PHACTR4: variants seen among roughly 807,000 people sequenced by gnomAD.
The protein encoded by PHACTR4 is phosphatase and actin regulator 4.
In PHACTR4, 51 loss-of-function variants were observed where a neutral mutation model predicts 72.7. The observed-to-expected ratio is 0.70, with a 90% CI of 0.56 to 0.89. The LOEUF is 0.89. Among genes scored for constraint, PHACTR4 ranks in the 40% least tolerant of loss-of-function variants. The pLI, the probability that PHACTR4 is intolerant of heterozygous loss-of-function variation, is 0.00. For missense variants in PHACTR4, 731 were observed against 861.8 expected, an observed-to-expected ratio of 0.85 and a Z score of 1.90; for synonymous variants, 255 against 302.5, an observed-to-expected ratio of 0.84 and a Z score of 1.63.
chr1:28,371,382 C>T (rs943222358), intron 1 of PHACTR4, among the ~76,000 whole-genome samples: 1 of 152,178 alleles, frequency 6.6e-6, no homozygotes, highest in Non-Finnish European at 1.5e-5. Flanking sequence ...GCAACCTCCA[C>T]TTCCCAGGTT....
At chr1:28,438,521 G>A (rs1380167460) in intron 2 of PHACTR4, 42 of 1,381,670 alleles carry the variant, frequency 3.0e-5, no homozygotes, top group Non-Finnish European at 3.8e-5. Flanking sequence ...AGTTAAACAC[G>A]AGAATGTTGA....
chr1:28,381,914 T>C (rs1289008561), intron 1 of PHACTR4, among the ~76,000 whole-genome samples: 6 of 151,906 alleles, frequency 3.9e-5, no homozygotes, highest in African/African-American at 9.7e-5. Context: ...CTGGGATGAC[T>C]ACACCACCAC....
chr1:28,392,668 C>G (rs973920201), intron 1 of PHACTR4, among the ~76,000 whole-genome samples: 3 of 151,934 alleles, frequency 2.0e-5, no homozygotes, highest in African/African-American at 7.3e-5. Context: ...GCTGGGATTA[C>G]AGGTGTGAGC....
chr1:28,440,855 T>G (rs2124409308), intron 2 of PHACTR4, among the ~76,000 whole-genome samples: 1 of 152,284 alleles, frequency 6.6e-6, no homozygotes, highest in East Asian at 1.9e-4. Flanking sequence ...TTCAAAGCCT[T>G]TATGTGGGTA....
In PHACTR4 at chr1:28,483,753, CG is replaced by C. The variant is rs561310225; in HGVS notation, c.1760+3150del. On this transcript the variant is annotated intron_variant, in intron 9 of 13. Coordinates refer to ENST00000373839, the MANE Select transcript of PHACTR4 (RefSeq NM_001048183.3). The stretch of plus-strand genomic sequence containing the variant: ...GGTGGAGCTTGCAGTGAGCTGACAT[CG>C]TGCCACTGCACTCCAGCCTGGGTGA... 3.7e-4 allele frequency among the ~76,000 whole-genome samples: 51 copies of C among 136,924 alleles called. No individual in the cohort carries two copies. The East Asian group carries it at 0.01, about 27-fold the overall frequency. The allele number at this position is 136,924 out of a possible 152,430, so 89.8% of individuals were successfully genotyped here. A position where few individuals can be genotyped will look rare whatever the true frequency, so the allele number is the denominator to read the frequency against.
chr1:28,413,863 G>C (rs1654932123), intron 2 of PHACTR4, among the ~76,000 whole-genome samples: 1 of 152,118 alleles, frequency 6.6e-6, no homozygotes, highest in South Asian at 2.1e-4. Context: ...AAATGTATAG[G>C]CAGGTTGCCT....
chr1:28,490,843 C>CA (rs377077670), intron 10 of PHACTR4, 108 bp from the exon 11 acceptor site: 166,833 of 818,408 alleles, frequency 0.2, 10 homozygotes, highest in South Asian at 0.26. Flanking sequence ...AACTCCGTCT[C>CA]AAAAAAAAAA....
At chr1:28,470,625 A>T (rs1275369474) in intron 6 of PHACTR4, among the ~76,000 whole-genome samples, 7 of 151,620 alleles carry the variant, frequency 4.6e-5, no homozygotes. Context: ...GAGCCCAGGG[A>T]GGTCAAAATT....
chr1:28,438,412 G>A lies in PHACTR4; in HGVS notation c.17-20673G>A, dbSNP rs1270891812. On this transcript the variant is annotated intron_variant, in intron 2 of 13. Transcript: ENST00000373839. ...GGGACAAGCTGATGTCTCCAGACCG[G>A]TAAATCCAGATGCAGTTGGTGAGTA... 6.2e-7 allele frequency: 1 copy of A among 1,612,916 alleles called. No homozygotes were observed. Among genetic ancestry groups the A allele is most frequent in the Admixed American group, 1.7e-5 (1 of 59,846 alleles).
At chr1:28,388,553 CT>C (rs1652752390) in intron 1 of PHACTR4, among the ~76,000 whole-genome samples, 1 of 151,996 alleles carries the variant, frequency 6.6e-6, no homozygotes, top group Non-Finnish European at 1.5e-5. Flanking sequence ...CTCTCACCAT[CT>C]TAAAAAATCA....
chr1:28,400,589 A>AT (rs912654713), intron 1 of PHACTR4, among the ~76,000 whole-genome samples: 8 of 150,230 alleles, frequency 5.3e-5, no homozygotes, highest in Non-Finnish European at 1.0e-4. Flanking sequence ...TGAGTGAAGG[A>AT]TTTTTTTTGA....
intron 1 of PHACTR4, among the ~76,000 whole-genome samples, chr1:28,375,014 AGAG>A (rs566014950): frequency 7.4e-4 from 112 of 152,330 alleles, no homozygotes; most frequent in African/African-American, 2.6e-3. Context: ...TATTAGAAGA[AGAG>A]GCCCAGCACG....
chr1:28,403,921 A>G (rs1263032061), intron 1 of PHACTR4, among the ~76,000 whole-genome samples: 1 of 152,158 alleles, frequency 6.6e-6, no homozygotes, highest in African/African-American at 2.4e-5. Context: ...ATTTCTTTTT[A>G]TGCTGAATGT....
At chr1:28,462,118 C>T (rs1658855580) in intron 4 of PHACTR4, among the ~76,000 whole-genome samples, 1 of 152,034 alleles carries the variant, frequency 6.6e-6, no homozygotes, top group Admixed American at 6.6e-5. Flanking sequence ...AGCAATTTTC[C>T]AGCCTCAGCC....
chr1:28,430,267 G>C (rs1341632141), intron 2 of PHACTR4, among the ~76,000 whole-genome samples: 2 of 152,116 alleles, frequency 1.3e-5, no homozygotes, highest in Non-Finnish European at 2.9e-5. Flanking sequence ...CTCGTGATCT[G>C]TCCGCCTCGG....
chr1:28,417,218 G>T (rs1196110755), intron 2 of PHACTR4, among the ~76,000 whole-genome samples: 1 of 152,168 alleles, frequency 6.6e-6, no homozygotes, highest in African/African-American at 2.4e-5. Context: ...GCAGATGATT[G>T]CAGTAGTCCC....
At chr1:28,450,364 G>A (rs1657852863) in intron 2 of PHACTR4, among the ~76,000 whole-genome samples, 1 of 146,816 alleles carries the variant, frequency 6.8e-6, no homozygotes, top group South Asian at 2.1e-4. Flanking sequence ...AGTTTAAACA[G>A]AAACAACAGT....
intron 2 of PHACTR4, among the ~76,000 whole-genome samples, chr1:28,455,329 T>TGGGATTA: frequency 1.3e-5 from 2 of 151,404 alleles, no homozygotes; most frequent in Middle Eastern, 3.4e-3. Context: ...CCCGAGTAGC[T>TGGGATTA]GGGATTATAG....
At chr1:28,380,361 T>C (rs1038699189) in intron 1 of PHACTR4, among the ~76,000 whole-genome samples, 2 of 152,196 alleles carry the variant, frequency 1.3e-5, no homozygotes, top group Admixed American at 1.3e-4. Context: ...CGGCCTTAAA[T>C]GTAACTTTTA....
Sources: gnomAD v4.1 joint callset for allele counts (sites outside exome capture counted in the v4.1 genomes callset) on GRCh38, gnomAD v4.1.1 for gene constraint, MANE v1.5 for transcripts, NCBI Gene and HGNC (gene_info 2026-07-23, HGNC 2026-07-21) for gene names.